LCORL: variants seen among roughly 807,000 people sequenced by gnomAD.
The protein encoded by LCORL is ligand-dependent nuclear receptor corepressor-like protein.
In LCORL, 41 loss-of-function variants were observed where a neutral mutation model predicts 141.8. The observed-to-expected ratio is 0.29, with a 90% CI of 0.23 to 0.38. LCORL has a LOEUF of 0.38. Among genes scored for constraint, LCORL ranks in the 10% least tolerant of loss-of-function variants. LCORL has a pLI of 1.00. For missense variants in LCORL, 1,759 were observed against 2,035.0 expected, an observed-to-expected ratio of 0.86 and a Z score of 2.61; for synonymous variants, 618 against 694.1, an observed-to-expected ratio of 0.89 and a Z score of 1.72.
At chr4:17,883,810 C>A (rs753336003) in intron 6 of LCORL, 4 of 1,550,570 alleles carry the variant, frequency 2.6e-6, no homozygotes, top group South Asian at 1.2e-5. Context: ...GTTTCTTCTT[C>A]GGAGGAGTCT....
chr4:17,878,566 T>C (rs1727161812), intron 6 of LCORL, among the ~76,000 whole-genome samples: 2 of 151,510 alleles, frequency 1.3e-5, no homozygotes, highest in Admixed American at 6.6e-5. Flanking sequence ...TTTTATAAAT[T>C]ATTCTGATAC....
At chr4:17,857,247 G>A (rs1724461381) in intron 7 of LCORL, among the ~76,000 whole-genome samples, 1 of 151,938 alleles carries the variant, frequency 6.6e-6, no homozygotes, top group South Asian at 2.1e-4. Context: ...GTGGGTTAGA[G>A]TATAGGAGAG....
chr4:17,896,947 C>T (rs1196229719), intron 5 of LCORL, among the ~76,000 whole-genome samples: 1 of 151,942 alleles, frequency 6.6e-6, no homozygotes, highest in Non-Finnish European at 1.5e-5. Context: ...ATTTTTAGCT[C>T]CCACAAGTAG....
chr4:17,951,831 T>C (rs1290124886), intron 4 of LCORL, among the ~76,000 whole-genome samples: 1 of 152,206 alleles, frequency 6.6e-6, no homozygotes, highest in East Asian at 1.9e-4. Context: ...ATTAATGAAC[T>C]AGTCATGGAC....
chr4:17,852,963 A>T (rs1365754582), intron 7 of LCORL, among the ~76,000 whole-genome samples: 1 of 152,032 alleles, frequency 6.6e-6, no homozygotes, highest in East Asian at 1.9e-4. Flanking sequence ...CTCTTACAGG[A>T]ATCAAATTTT....
intron 1 of LCORL, among the ~76,000 whole-genome samples, chr4:18,009,783 C>A (rs922718176): frequency 3.3e-5 from 5 of 151,814 alleles, no homozygotes; most frequent in African/African-American, 1.2e-4. Context: ...GGCTCCAATA[C>A]CCTGCCTTAG....
At chr4:17,966,361 A>G (rs894450893) in intron 2 of LCORL, among the ~76,000 whole-genome samples, 1 of 152,158 alleles carries the variant, frequency 6.6e-6, no homozygotes, top group Non-Finnish European at 1.5e-5. Flanking sequence ...TAAGGATAAT[A>G]AAGGAATATT....
chr4:17,958,319 T>G (rs1269400745), intron 4 of LCORL, among the ~76,000 whole-genome samples: 1 of 151,804 alleles, frequency 6.6e-6, no homozygotes, highest in Non-Finnish European at 1.5e-5. Context: ...TACATTTTGA[T>G]GAAGGATGAC....
intron 4 of LCORL, among the ~76,000 whole-genome samples, chr4:17,921,450 C>A (rs140366488): frequency 1.3e-5 from 2 of 152,252 alleles, no homozygotes; most frequent in African/African-American, 4.8e-5. Flanking sequence ...AAATGTATTT[C>A]TTTTATAATA....
intron 1 of LCORL, among the ~76,000 whole-genome samples, chr4:17,986,950 T>C (rs972119203): frequency 6.6e-6 from 1 of 152,096 alleles, no homozygotes; most frequent in African/African-American, 2.4e-5. Flanking sequence ...AGTTTAACCT[T>C]TTTTTTGTAT....
chr4:17,967,521 T>TC (rs1715147949), intron 2 of LCORL, among the ~76,000 whole-genome samples: 1 of 152,152 alleles, frequency 6.6e-6, no homozygotes, highest in Non-Finnish European at 1.5e-5. Flanking sequence ...CTACTCAATT[T>TC]TTTCTGTAAA....
At chr4:17,917,367 AT>A (rs1184570539) in intron 4 of LCORL, among the ~76,000 whole-genome samples, 2 of 151,932 alleles carry the variant, frequency 1.3e-5, no homozygotes. Flanking sequence ...TAAGTTTTGT[AT>A]TTTTAGTAGA....
intron 5 of LCORL, among the ~76,000 whole-genome samples, chr4:17,894,121 A>G (rs1729524952): frequency 6.6e-6 from 1 of 152,170 alleles, no homozygotes. Flanking sequence ...TTAGGGCAGC[A>G]CTTTCCCCAA....
chr4:17,915,516 G>T (rs1030893524), intron 4 of LCORL, among the ~76,000 whole-genome samples: 2 of 152,158 alleles, frequency 1.3e-5, no homozygotes, highest in Non-Finnish European at 2.9e-5. Context: ...AAACTGAAAA[G>T]GTAGGTGTCA....
intron 5 of LCORL, among the ~76,000 whole-genome samples, chr4:17,904,286 A>G (rs572816774): frequency 9.9e-5 from 15 of 151,882 alleles, no homozygotes; most frequent in South Asian, 6.2e-4. Flanking sequence ...GTCTTTGCCT[A>G]TTTTTCTTAT....
rs761784734 is a variant in LCORL at position 17,897,213 on chromosome 4, CTTTTTTTTTTTTTTTTTTT to C, written c.683-11071_683-11053del. On this transcript the variant is annotated intron_variant, in intron 5 of 7. Transcript: ENST00000635767. ...AGACTTCTCTTTGATATACTGATTT[CTTTTTTTTTTTTTTTTTTT>C]TTTTTTTTTTTTTTTTTTTAGGGTA... Among the ~76,000 whole-genome samples the C allele has an allele frequency of 5.2e-4, 33 of 63,988 alleles. 1 individual carries two copies. Among genetic ancestry groups the C allele is most frequent in the South Asian group, 1.2e-3 (2 of 1,712 alleles). The allele number at this position is 63,988 out of a possible 152,430, so 42.0% of individuals were successfully genotyped here. A position where few individuals can be genotyped will look rare whatever the true frequency, so the allele number is the denominator to read the frequency against.
chr4:18,015,525 C>T (rs1577744606), intron 1 of LCORL, among the ~76,000 whole-genome samples: 8 of 152,244 alleles, frequency 5.3e-5, no homozygotes, highest in Admixed American at 5.2e-4. Context: ...ATCAGCATCA[C>T]AGATTCCATT....
chr4:17,938,389 T>C (rs1737234509), intron 4 of LCORL, among the ~76,000 whole-genome samples: 2 of 151,476 alleles, frequency 1.3e-5, no homozygotes, highest in African/African-American at 4.9e-5. Flanking sequence ...GGGTGTGTAG[T>C]TTTACTTCAT....
Position 17,986,171 on chromosome 4 carries a change from T to C in LCORL, c.155-13286A>G, listed in dbSNP as rs116545093. Among the ~76,000 whole-genome samples, 1,076 of 152,322 alleles carry C rather than the reference T, an allele frequency of 7.1e-3. 15 individuals are homozygous for C. Among genetic ancestry groups the C allele is most frequent in the African/African-American group, 0.025 (1,036 of 41,582 alleles). ...GTTCCCTTTTGTAAATGACCTGCGC[T>C]TTCTCTCCAGCTACCTTTAACATTC... On this transcript the variant is annotated intron_variant, in intron 1 of 7. Coordinates refer to ENST00000635767, the Ensembl canonical transcript of LCORL.
Sources: gnomAD v4.1 joint callset for allele counts (sites outside exome capture counted in the v4.1 genomes callset) on GRCh38, gnomAD v4.1.1 for gene constraint, MANE v1.5 for transcripts, NCBI Gene and HGNC (gene_info 2026-07-23, HGNC 2026-07-21) for gene names.